Variants in ADAMTS15 observed in about 807,000 individuals in gnomAD.
ADAMTS15 encodes ADAM metallopeptidase with thrombospondin type 1 motif 15.
Under a neutral mutation model 79.1 loss-of-function variants are expected in ADAMTS15, and 35 were observed. That is an observed-to-expected ratio of 0.44 (90% CI 0.34 to 0.59). ADAMTS15 has a LOEUF of 0.59. Ranked by LOEUF, ADAMTS15 falls within the 20% of genes least tolerant of loss-of-function variation. ADAMTS15 has a pLI of 0.02. For missense variants in ADAMTS15, 1,324 were observed against 1,318.7 expected (o/e 1.00, Z -0.06); for synonymous variants, 616 against 567.3 (o/e 1.09, Z -1.22).
rs1938485481 is a variant in ADAMTS15 at position 130,472,838 on chromosome 11, A to G, written c.2079-209A>G. ...TGTGGAATTCTGAGCTCCACTTTAC[A>G]GGTGAGGATGTGGAGGCTTGGAGAA... On this transcript the variant is annotated intron_variant, in intron 7 of 7. Transcript: ENST00000299164. This position sits in a 1 kb window ranked among gnomAD's most constrained non-coding sequence, Gnocchi z 4.7. Among the ~76,000 whole-genome samples, 1 of 152,210 alleles carries G rather than the reference A, an allele frequency of 6.6e-6. No individual in the cohort carries two copies. Among genetic ancestry groups the G allele is most frequent in the South Asian group, 2.1e-4 (1 of 4,836 alleles).
rs755773261 is a variant in ADAMTS15 at position 130,471,185 on chromosome 11, T to C, written c.1903-23T>C. On this transcript the variant is annotated intron_variant, in intron 6 of 7. Transcript: ENST00000299164. ...CTGAGCTGCCCTGCTCTTCCTTCTT[T>C]TTCCCCTTCTGGGGTGCTGCAGGTG... The C allele has an allele frequency of 3.2e-6, 5 of 1,586,668 alleles. No homozygotes were observed. In the Admixed American group the frequency reaches 5.3e-5, roughly 17 times the overall value.
intron 1 of ADAMTS15, among the ~76,000 whole-genome samples, chr11:130,455,113 A>G (rs1938049668): frequency 6.6e-6 from 1 of 151,806 alleles, no homozygotes. Flanking sequence ...AACTTTCCTC[A>G]CTCTTAGAAT....
rs931539475 is a variant in ADAMTS15, at chr11:130,475,569, A to ACCAG, written c.*1764_*1767dup. On this transcript the variant is annotated 3_prime_UTR_variant, in exon 8 of 8. Transcript: ENST00000299164. ...TTTCCCTAATAGTCAGAATCCACAA[A>ACCAG]CCAGCCAGCCAGCCAGCCAAGCCTC... 3.9e-5 allele frequency: 6 copies of ACCAG among 152,098 alleles called. No individual in the cohort carries two copies. Among genetic ancestry groups the ACCAG allele is most frequent in the Non-Finnish European group, 7.4e-5 (5 of 68,016 alleles). The allele number at this position is 152,098 out of a possible 1,614,324, so 9.4% of individuals were successfully genotyped here.
rs868807670 is a variant in ADAMTS15 at position 130,472,340 on chromosome 11, G to A, written c.2079-707G>A. 4.6e-5 allele frequency among the ~76,000 whole-genome samples: 7 copies of A among 152,190 alleles called. No individual in the cohort carries two copies. Among genetic ancestry groups the A allele is most frequent in the African/African-American group, 9.7e-5 (4 of 41,444 alleles). On this transcript the variant is annotated intron_variant, in intron 7 of 7. Transcript: ENST00000299164. The surrounding 1 kb of genome is among the most constrained non-coding windows in gnomAD (Gnocchi z 4.7). ...CTCTGGGAGCTCGGGCACCAGGGACGGATGGCATTCCAGGCTGTGCTTTGC... is the reference window on the plus strand; with the variant it reads ...CTCTGGGAGCTCGGGCACCAGGGACAGATGGCATTCCAGGCTGTGCTTTGC...
At chr11:130,454,737 G>T (rs1388784399) in intron 1 of ADAMTS15, among the ~76,000 whole-genome samples, 2 of 152,190 alleles carry the variant, frequency 1.3e-5, no homozygotes, top group Non-Finnish European at 2.9e-5. Context: ...TCCCTGTCGT[G>T]CAGGATGAGT....
At chr11:130,453,676 C>T (rs1158837407) in intron 1 of ADAMTS15, among the ~76,000 whole-genome samples, 3 of 152,176 alleles carry the variant, frequency 2.0e-5, no homozygotes, top group East Asian at 1.9e-4. Context: ...ATCCTCCTGC[C>T]TCAGCCTCCC....
rs779595110 is a variant in ADAMTS15, at chr11:130,449,681, G to A, written c.708G>A (p.Ala236=). 1.9e-6 allele frequency: 3 copies of A among 1,604,132 alleles called. No homozygotes were observed. The highest frequency in any genetic ancestry group is 2.6e-6 in the Non-Finnish European group (3 of 1,175,480). Residue 236 remains alanine, a synonymous_variant, in exon 1 of 8, where the codon GCG becomes GCA. Coordinates refer to ENST00000299164, the MANE Select transcript of ADAMTS15 (RefSeq NM_139055.4). The surrounding 1 kb of genome is among the most constrained non-coding windows in gnomAD (Gnocchi z 7.8). ...AGTCAATGGTCAAGTTCCACGGCGC[G>A]GACCTGGAACATTATCTGCTGACGC... The part of the protein sequence containing the change: ...ADESMVKFHG[A]DLEHYLLTLL...
intron 5 of ADAMTS15, among the ~76,000 whole-genome samples, chr11:130,470,164 A>ATATATATGTATG (rs1565397699): frequency 3.4e-5 from 2 of 58,248 alleles, no homozygotes; most frequent in Non-Finnish European, 6.4e-5. Context: ...GTATATATAT[A>ATATATATGTATG]TATATATATA....
Position 130,449,112 on chromosome 11 carries a change from G to A in ADAMTS15, c.139G>A (p.Asp47Asn), listed in dbSNP as rs760299763. Reference protein sequence around the residue: ...GRRYYWRGPEDSGDQGLIFQI... With the variant: ...GRRYYWRGPENSGDQGLIFQI... The stretch of plus-strand genomic sequence containing the variant: ...CCGCTACTACTGGCGGGGTCCCGAG[G>A]ACTCCGGGGATCAGGGACTCATTTT... Residue 47 changes from aspartate (D) to asparagine (N), a missense_variant, in exon 1 of 8, where the codon GAC (aspartate) becomes AAC (asparagine). Asp to Asn is a conservative substitution (Grantham distance 23). Transcript: ENST00000299164. The surrounding 1 kb of genome is among the most constrained non-coding windows in gnomAD (Gnocchi z 7.8). 6.3e-7 allele frequency: 1 copy of A among 1,586,974 alleles called. No individual in the cohort carries two copies. The highest frequency in any genetic ancestry group is 8.6e-7 in the Non-Finnish European group (1 of 1,162,650).
intron 5 of ADAMTS15, among the ~76,000 whole-genome samples, chr11:130,470,207 T>TATATATATAC (rs1204201965): frequency 1.7e-5 from 1 of 60,222 alleles, no homozygotes; most frequent in Admixed American, 1.5e-4. Context: ...TATATATATA[T>TATATATATAC]ATGTATATAT....
intron 2 of ADAMTS15, 102 bp from the exon 3 acceptor site, chr11:130,461,985 G>A: frequency 7.3e-7 from 1 of 1,371,198 alleles, no homozygotes; most frequent in Non-Finnish European, 1.0e-6. Flanking sequence ...TGACCAGCCT[G>A]AAAACCTCTG....
At chr11:130,471,705 C>T (rs1048915607) in intron 7 of ADAMTS15, among the ~76,000 whole-genome samples, 8 of 152,140 alleles carry the variant, frequency 5.3e-5, no homozygotes, top group South Asian at 2.1e-4. Context: ...TGATTCAGAT[C>T]GCAGTTACCC....
At position 130,449,465 on chromosome 11, in the gene ADAMTS15, C is replaced by G; in HGVS notation, c.492C>G (p.Gly164=). Residue 164 remains glycine (G), a synonymous_variant, in exon 1 of 8, where the codon GGC becomes GGG. Transcript: ENST00000299164. This position sits in a 1 kb window ranked among gnomAD's most constrained non-coding sequence, Gnocchi z 7.8. The part of the protein sequence containing the change: ...AHLLQRRGVP[G]GPSGDPTSRC... The stretch of plus-strand genomic sequence containing the variant: ...TTCTCCAGCGCCGGGGTGTTCCGGG[C>G]GGGCCTTCCGGAGACCCCACCTCTC... The G allele has an allele frequency of 6.4e-7, 1 of 1,568,196 alleles. No individual in the cohort carries two copies. The highest frequency in any genetic ancestry group is 8.6e-7 in the Non-Finnish European group (1 of 1,160,874).
rs780874749 is a variant in ADAMTS15, at chr11:130,471,061, G to A, written c.1862G>A (p.Arg621Gln). The change falls in exon 6 of 8, where the codon CGA becomes CAA. Residue 621 changes from arginine to glutamine, a missense_variant. Coordinates refer to ENST00000299164, the MANE Select transcript of ADAMTS15 (RefSeq NM_139055.4). Reference protein sequence around the residue: ...SPRDKCKLICRANGTGYFYVL... With the variant: ...SPRDKCKLICQANGTGYFYVL... Reference sequence around the variant, plus strand: ...CGGGACAAGTGCAAGCTCATCTGCCGAGCCAATGGCACTGGCTACTTCTAT... The same window carrying A: ...CGGGACAAGTGCAAGCTCATCTGCCAAGCCAATGGCACTGGCTACTTCTAT... The A allele has an allele frequency of 6.2e-6, 10 of 1,614,070 alleles. No individual in the cohort carries two copies. Among genetic ancestry groups the A allele is most frequent in the East Asian group, 2.2e-5 (1 of 44,884 alleles).
chr11:130,470,206 A>ATATATATG (rs1565397932), intron 5 of ADAMTS15, among the ~76,000 whole-genome samples: 40 of 64,000 alleles, frequency 6.3e-4, no homozygotes, highest in South Asian at 1.3e-3. Flanking sequence ...ATATATATAT[A>ATATATATG]TATGTATATA....
chr11:130,468,443 C>T (rs923492886), intron 4 of ADAMTS15, among the ~76,000 whole-genome samples: 18 of 150,834 alleles, frequency 1.2e-4, no homozygotes, highest in Non-Finnish European at 2.2e-4. Flanking sequence ...CCAGCCTGGC[C>T]AACATGGTGA....
intron 4 of ADAMTS15, among the ~76,000 whole-genome samples, chr11:130,467,654 C>G (rs1432396658): frequency 6.6e-6 from 1 of 151,996 alleles, no homozygotes; most frequent in African/African-American, 2.4e-5. Context: ...GGGCTGCTTC[C>G]TCTATTGCTC....
rs1012123440 is a variant in ADAMTS15, at chr11:130,475,351, G to T, written c.*1530G>T. Reference sequence around the variant, plus strand: ...GGCATTTTCTCTAGCTCCAAGTGGGGAGATATTTTGGGGTCACAGCTTCTT... The same window carrying T: ...GGCATTTTCTCTAGCTCCAAGTGGGTAGATATTTTGGGGTCACAGCTTCTT... On this transcript the variant is annotated 3_prime_UTR_variant, in exon 8 of 8. Transcript: ENST00000299164. The T allele has an allele frequency of 6.6e-6, 1 of 152,306 alleles. No homozygotes were observed. Among genetic ancestry groups the T allele is most frequent in the Non-Finnish European group, 1.5e-5 (1 of 68,114 alleles). 9.4% of individuals were successfully genotyped at this position (152,306 alleles called of 1,614,324 possible).
At position 130,473,678 on chromosome 11, in the gene ADAMTS15, C is replaced by A; in HGVS notation, c.2710C>A (p.Pro904Thr). Residue 904 changes from proline to threonine, a missense_variant, in exon 8 of 8, where the codon CCC becomes ACC. Coordinates refer to ENST00000299164, the MANE Select transcript of ADAMTS15 (RefSeq NM_139055.4). ...CACCTGGGAGCTCAGCGCCTGGTCA[C>A]CCTGCTCCAAGAGCTGCGGCCGGGG... ...CPTWELSAWS[P>T]CSKSCGRGFQ... is the part of the protein sequence containing the mutation. 1 of 1,604,516 alleles carries A rather than the reference C, an allele frequency of 6.2e-7. No individual in the cohort carries two copies. Among genetic ancestry groups the A allele is most frequent in the Non-Finnish European group, 8.5e-7 (1 of 1,179,882 alleles).
Sources: allele counts gnomAD v4.1 joint callset (sites outside exome capture counted in the v4.1 genomes callset), GRCh38; gene constraint gnomAD v4.1.1; non-coding constraint Gnocchi (gnomAD v3.1); transcripts MANE v1.5; gene names NCBI Gene and HGNC (gene_info 2026-07-23, HGNC 2026-07-21).